APBA1: variants seen among roughly 807,000 people sequenced by gnomAD.
APBA1 encodes amyloid beta precursor protein binding family A member 1, also known as amyloid-beta A4 precursor protein-binding family A member 1.
A neutral mutation model predicts 86.6 loss-of-function variants in APBA1; 55 were observed. The ratio of observed to expected loss-of-function variants is 0.64; its 90% CI spans 0.51 to 0.80. The LOEUF (loss-of-function observed/expected upper bound fraction) is 0.80, where lower values mean the gene tolerates loss of function less well. Among genes scored for constraint, APBA1 ranks in the 30% least tolerant of loss-of-function variants. APBA1 has a pLI of 0.00. For synonymous variants in APBA1, 511 were observed against 493.9 expected, an observed-to-expected ratio of 1.03 and a Z score of -0.46; for missense variants, 1,090 against 1,183.0, an observed-to-expected ratio of 0.92 and a Z score of 1.15.
intron 1 of APBA1, among the ~76,000 whole-genome samples, chr9:69,564,130 C>T (rs549045086): frequency 1.2e-4 from 18 of 152,254 alleles, no homozygotes; most frequent in East Asian, 3.9e-4. Context: ...AAGCACCTCT[C>T]GGTTTCAGGA....
At chr9:69,458,221 A>C in intron 5 of APBA1, 33 bp from the exon 6 acceptor site, 1 of 1,592,412 alleles carries the variant, frequency 6.3e-7, no homozygotes, top group Non-Finnish European at 8.5e-7. Context: ...AGACAGGAGA[A>C]TAGTTAGAAA....
At chr9:69,591,332 A>T (rs1310979728) in intron 1 of APBA1, among the ~76,000 whole-genome samples, 5 of 152,228 alleles carry the variant, frequency 3.3e-5, no homozygotes, top group Non-Finnish European at 5.9e-5. Context: ...ATAGTAGTTT[A>T]TACTTTCAAA....
chr9:69,644,749 G>A (rs1193533121), intron 1 of APBA1, among the ~76,000 whole-genome samples: 2 of 152,178 alleles, frequency 1.3e-5, no homozygotes, highest in East Asian at 1.9e-4. Context: ...GAAAGCCAGG[G>A]TCCTAATGGT....
At chr9:69,571,039 T>A (rs2133948016) in intron 1 of APBA1, among the ~76,000 whole-genome samples, 1 of 152,214 alleles carries the variant, frequency 6.6e-6, no homozygotes, top group Admixed American at 6.5e-5. Context: ...TAATCCCAGC[T>A]CTCCTTTCCT....
At chr9:69,619,856 A>G (rs1306685078) in intron 1 of APBA1, among the ~76,000 whole-genome samples, 1 of 152,230 alleles carries the variant, frequency 6.6e-6, no homozygotes, top group African/African-American at 2.4e-5. Context: ...ATACACACAC[A>G]TTATGTTCTG....
At chr9:69,447,687 A>G (rs1241235378) in intron 10 of APBA1, among the ~76,000 whole-genome samples, 2 of 152,148 alleles carry the variant, frequency 1.3e-5, no homozygotes, top group East Asian at 3.8e-4. Flanking sequence ...AGACGATTAC[A>G]TCATCTTGCT....
In APBA1 at chr9:69,521,589, A is replaced by G. The variant is rs116336115; in HGVS notation, c.-69-4310T>C. On this transcript the variant is annotated intron_variant, in intron 1 of 12. Coordinates refer to ENST00000265381, the MANE Select transcript of APBA1 (RefSeq NM_001163.4). ...AGACAATAATTATGTAAGTAAGTAA[A>G]CAAGATAACTTCATAGGGAAACATT... Among the ~76,000 whole-genome samples, 409 of 152,330 alleles carry G rather than the reference A, an allele frequency of 2.7e-3. 1 individual carries two copies. The highest frequency in any genetic ancestry group is 9.2e-3 in the African/African-American group (384 of 41,566).
rs1362208829 is a variant in APBA1, at chr9:69,447,396, G to A, written c.2181+2188C>T. On this transcript the variant is annotated intron_variant, in intron 10 of 12. Coordinates refer to ENST00000265381, the MANE Select transcript of APBA1 (RefSeq NM_001163.4). ...TGCATCTGAACTCCTATGCCGCTCA[G>A]GCAGTTTCTCAACCTCAGCACTACC... Among the ~76,000 whole-genome samples the A allele has an allele frequency of 5.3e-5, 8 of 152,282 alleles. No homozygotes were observed. The South Asian group carries it at 1.0e-3, about 20-fold the overall frequency.
chr9:69,649,143 T>A (rs962485426), intron 1 of APBA1, among the ~76,000 whole-genome samples: 3 of 152,142 alleles, frequency 2.0e-5, no homozygotes, highest in Non-Finnish European at 4.4e-5. Flanking sequence ...AACCATCACC[T>A]CCCTCTTGAA....
intron 1 of APBA1, among the ~76,000 whole-genome samples, chr9:69,628,711 CTTA>C (rs1183298605): frequency 1.3e-5 from 2 of 152,156 alleles, no homozygotes; most frequent in African/African-American, 4.8e-5. Context: ...GTTCTAAAAT[CTTA>C]TTATACTATA....
intron 1 of APBA1, among the ~76,000 whole-genome samples, chr9:69,632,347 A>G (rs960669742): frequency 6.6e-6 from 1 of 152,106 alleles, no homozygotes; most frequent in African/African-American, 2.4e-5. Context: ...TCCCTCCCCC[A>G]AAGGTGTCTT....
chr9:69,629,448 A>C (rs990127222), intron 1 of APBA1, among the ~76,000 whole-genome samples: 2 of 152,234 alleles, frequency 1.3e-5, no homozygotes, highest in African/African-American at 4.8e-5. Context: ...AATTCACATG[A>C]AGTAAAAACA....
intron 9 of APBA1, 129 bp from the exon 10 acceptor site, chr9:69,449,925 G>C: frequency 1.4e-6 from 1 of 706,664 alleles, no homozygotes; most frequent in Non-Finnish European, 2.3e-6. Flanking sequence ...ACCCAGATGA[G>C]TTCCTGTCTT....
intron 12 of APBA1, 125 bp from the exon 13 acceptor site, chr9:69,431,523 C>A: frequency 3.9e-6 from 3 of 765,056 alleles, no homozygotes; most frequent in Middle Eastern, 2.6e-4. Flanking sequence ...CTCCCTACCG[C>A]CCAGCCACCA....
chr9:69,456,385 G>A lies in APBA1; in HGVS notation c.1650C>T (p.Asp550=). 3 of 1,612,846 alleles carry A rather than the reference G, an allele frequency of 1.9e-6. No individual in the cohort carries two copies. Among genetic ancestry groups the A allele is most frequent in the Non-Finnish European group, 2.5e-6 (3 of 1,179,272 alleles). The part of the protein sequence containing the change: ...HPLRTISYIA[D]IGNIVVLMAR... ...CCATCAGCACAACGATGTTCCCAAT[G>A]TCCGCAATGTAGGAAATGGTCCTCA... is the stretch of plus-strand genomic sequence containing the variant. Residue 550 remains aspartate, a synonymous_variant, in exon 8 of 13, where the codon GAC becomes GAT. Transcript: ENST00000265381.
At chr9:69,589,216 A>C (rs1346991473) in intron 1 of APBA1, among the ~76,000 whole-genome samples, 1 of 152,184 alleles carries the variant, frequency 6.6e-6, no homozygotes, top group Non-Finnish European at 1.5e-5. Context: ...TTGGCCTCCC[A>C]AAGTGCTGGG....
chr9:69,469,762 A>G (rs1398174496), intron 4 of APBA1, among the ~76,000 whole-genome samples: 1 of 152,256 alleles, frequency 6.6e-6, no homozygotes, highest in African/African-American at 2.4e-5. Flanking sequence ...TATATAAAGT[A>G]AAAGATTGTC....
rs1834554968 is a variant in APBA1 at position 69,429,709 on chromosome 9, C to T, written c.*1618G>A. On this transcript the variant is annotated 3_prime_UTR_variant, in exon 13 of 13. Transcript: ENST00000265381. ...TCACTTTGCTCCCTCCTTAGAATCC[C>T]TCCATTCTCTCTATAAATACATGCT... The T allele has an allele frequency of 6.6e-6, 1 of 151,852 alleles. No homozygotes were observed. Among genetic ancestry groups the T allele is most frequent in the Admixed American group, 6.6e-5 (1 of 15,196 alleles). The allele number at this position is 151,852 out of a possible 1,614,324, so 9.4% of individuals were successfully genotyped here.
Position 69,527,282 on chromosome 9 carries a change from G to A in APBA1, c.-69-10003C>T, listed in dbSNP as rs182767399. On this transcript the variant is annotated intron_variant, in intron 1 of 12. Transcript: ENST00000265381. ...TTAATATAAATGACTTGAACACATGGTACATTTATTAATATTATTATTTCC... is the reference window on the plus strand; with the variant it reads ...TTAATATAAATGACTTGAACACATGATACATTTATTAATATTATTATTTCC... Among the ~76,000 whole-genome samples, 11 of 152,114 alleles carry A rather than the reference G, an allele frequency of 7.2e-5. No homozygotes were observed. The East Asian group carries it at 2.1e-3, about 29-fold the overall frequency.
Sources: allele counts gnomAD v4.1 joint callset (sites outside exome capture counted in the v4.1 genomes callset), GRCh38; gene constraint gnomAD v4.1.1; transcripts MANE v1.5; gene names NCBI Gene and HGNC (gene_info 2026-07-23, HGNC 2026-07-21).